DCTD: variants seen among roughly 807,000 people sequenced by gnomAD.
DCTD encodes dCMP deaminase.
Under a neutral mutation model 21.0 loss-of-function variants are expected in DCTD, and 23 were observed. The observed-to-expected ratio is 1.09, with a 90% CI of 0.79 to 1.55. DCTD has a LOEUF of 1.55. DCTD is among the 40% of genes most tolerant of loss of function. The pLI is 0.00. For synonymous variants in DCTD, 71 were observed against 81.1 expected (o/e 0.88, Z 0.67); for missense variants, 224 against 230.0 (o/e 0.97, Z 0.17).
chr4:182,905,205 C>G (rs1036832264), intron 3 of DCTD, among the ~76,000 whole-genome samples: 1 of 152,072 alleles, frequency 6.6e-6, no homozygotes, highest in African/African-American at 2.4e-5. Context: ...TCCGCTGAAA[C>G]TGTACTTGGC....
At chr4:182,900,231 G>C (rs2152857534) in intron 3 of DCTD, among the ~76,000 whole-genome samples, 1 of 152,192 alleles carries the variant, frequency 6.6e-6, no homozygotes, top group Non-Finnish European at 1.5e-5. Context: ...TGGGAGGACT[G>C]CTTGAGCCCA....
chr4:182,892,116 C>T (rs138232213), intron 5 of DCTD, among the ~76,000 whole-genome samples: 51 of 152,242 alleles, frequency 3.3e-4, no homozygotes, highest in East Asian at 2.7e-3. Flanking sequence ...GAAGGCACCA[C>T]GGTTGAGTTC....
At chr4:182,905,715 G>C (rs1181434403) in intron 3 of DCTD, among the ~76,000 whole-genome samples, 1 of 152,082 alleles carries the variant, frequency 6.6e-6, no homozygotes. Context: ...CTCTGCACAT[G>C]CTCCCTTCAT....
intron 3 of DCTD, among the ~76,000 whole-genome samples, chr4:182,902,183 T>C (rs1012689168): frequency 1.1e-4 from 16 of 152,168 alleles, no homozygotes; most frequent in African/African-American, 3.1e-4. Context: ...AACAACGGAA[T>C]AGCCGCGACA....
chr4:182,897,047 T>G (rs17272416), intron 3 of DCTD, among the ~76,000 whole-genome samples: 4,128 of 152,308 alleles, frequency 0.027, 67 homozygotes, highest in Non-Finnish European at 0.042. Context: ...TAGCGTCCTC[T>G]AAGAACTGTC....
chr4:182,908,020 A>G (rs1737021978), intron 3 of DCTD, among the ~76,000 whole-genome samples: 1 of 151,470 alleles, frequency 6.6e-6, no homozygotes, highest in Admixed American at 6.6e-5. Flanking sequence ...ACAGACATGC[A>G]TATCCCTATC....
chr4:182,908,079 C>T (rs1480925044), intron 3 of DCTD, among the ~76,000 whole-genome samples: 1 of 151,214 alleles, frequency 6.6e-6, no homozygotes, highest in Non-Finnish European at 1.5e-5. Flanking sequence ...AAAAGCAATA[C>T]AAACATTTGC....
intron 3 of DCTD, among the ~76,000 whole-genome samples, chr4:182,911,805 A>G (rs1470381827): frequency 1.3e-5 from 2 of 152,250 alleles, no homozygotes; most frequent in Non-Finnish European, 2.9e-5. Flanking sequence ...TATCCAATTA[A>G]TAAAGTTCAG....
chr4:182,894,356 A>G (rs1727282259), intron 4 of DCTD, 133 bp downstream of exon 4: 2 of 604,630 alleles, frequency 3.3e-6, no homozygotes, highest in Non-Finnish European at 6.0e-6. Flanking sequence ...AACACGGGAA[A>G]TATCTTGCAA....
chr4:182,904,429 T>C (rs981053903), intron 3 of DCTD, among the ~76,000 whole-genome samples: 3 of 152,184 alleles, frequency 2.0e-5, no homozygotes, highest in Admixed American at 1.3e-4. Flanking sequence ...TCAGCGCTGA[T>C]AGTACTGTGA....
intron 3 of DCTD, chr4:182,911,110 G>C (rs1737588803): frequency 6.6e-6 from 1 of 152,226 alleles, no homozygotes; most frequent in Non-Finnish European, 1.5e-5. Context: ...CTGGAGGCTG[G>C]AAGTCAGGAC....
chr4:182,896,097 G>T (rs551469702), intron 3 of DCTD, among the ~76,000 whole-genome samples: 6 of 152,152 alleles, frequency 3.9e-5, no homozygotes, highest in Non-Finnish European at 8.8e-5. Flanking sequence ...CCTTCTACAC[G>T]TAACACTTCC....
chr4:182,916,556 G>C (rs1738768342), intron 1 of DCTD: 1 of 989,068 alleles, frequency 1.0e-6, no homozygotes, highest in African/African-American at 1.7e-5. Flanking sequence ...CAAGGATGCA[G>C]TGGAGAGTGG....
chr4:182,911,609 T>C (rs1271094555), intron 3 of DCTD: 1 of 152,026 alleles, frequency 6.6e-6, no homozygotes, highest in African/African-American at 2.4e-5. Context: ...ACCTTGGAAT[T>C]AGGAGATGTC....
intron 3 of DCTD, among the ~76,000 whole-genome samples, chr4:182,906,763 A>G (rs1032921640): frequency 3.9e-5 from 6 of 152,270 alleles, no homozygotes; most frequent in Non-Finnish European, 7.3e-5. Context: ...TGCAGAATTA[A>G]AAAATTCATG....
intron 4 of DCTD, 46 bp downstream of exon 4, chr4:182,894,443 G>A: frequency 8.8e-7 from 1 of 1,137,188 alleles, no homozygotes; most frequent in Non-Finnish European, 1.3e-6. Context: ...CTACTGACGA[G>A]CAGGCAGCAA....
At chr4:182,902,137 A>G (rs56335190) in intron 3 of DCTD, among the ~76,000 whole-genome samples, 3,015 of 152,322 alleles carry the variant, frequency 0.02, 57 homozygotes, top group African/African-American at 0.042. Context: ...TGTCACTGCC[A>G]GCCTCCGCAG....
At chr4:182,896,111 A>G (rs779745993) in intron 3 of DCTD, among the ~76,000 whole-genome samples, 1 of 152,178 alleles carries the variant, frequency 6.6e-6, no homozygotes, top group Non-Finnish European at 1.5e-5. Flanking sequence ...CACTTCCAGG[A>G]GTTCTGAGGC....
Position 182,891,461 on chromosome 4 carries a change from A to G in DCTD, c.475T>C (p.Cys159Arg). 6.2e-7 allele frequency: 1 copy of G among 1,611,236 alleles called. No homozygotes were observed. Among genetic ancestry groups the G allele is most frequent in the Non-Finnish European group, 8.5e-7 (1 of 1,177,564 alleles). The change falls in exon 6 of 6, where the codon TGC (cysteine) becomes CGC (arginine). Residue 159 changes from cysteine (C) to arginine (R), a missense_variant. Cys to Arg is a radical substitution (Grantham distance 180, BLOSUM62 -3). Transcript: ENST00000438320. ...TCAAAGTCAATGACAATCTTGCTGC[A>G]CTTCGGTATGAATTTCCTAAAAATA... Reference protein sequence around the residue: ...GVTFRKFIPKCSKIVIDFDSI... With the variant: ...GVTFRKFIPKRSKIVIDFDSI...
Sources: gnomAD v4.1 joint callset for allele counts (sites outside exome capture counted in the v4.1 genomes callset) on GRCh38, gnomAD v4.1.1 for gene constraint, MANE v1.5 for transcripts, NCBI Gene and HGNC (gene_info 2026-07-23, HGNC 2026-07-21) for gene names.